MOK: variants seen among roughly 807,000 people sequenced by gnomAD.
MOK encodes MOK protein kinase.
A neutral mutation model predicts 54.2 loss-of-function variants in MOK; 59 were observed. The ratio of observed to expected loss-of-function variants is 1.09; its 90% CI spans 0.88 to 1.35. The LOEUF is 1.35. Ranked by LOEUF, MOK falls within the 40% of genes most tolerant of loss-of-function variation. MOK has a pLI of 0.00. For missense variants in MOK, 517 were observed against 526.2 expected, an observed-to-expected ratio of 0.98 and a Z score of 0.17; for synonymous variants, 210 against 202.7, an observed-to-expected ratio of 1.04 and a Z score of -0.31.
downstream of MOK, among the ~76,000 whole-genome samples, chr14:102,219,861 G>T (rs1756326123): frequency 6.6e-6 from 1 of 152,262 alleles, no homozygotes; most frequent in Non-Finnish European, 1.5e-5. Context: ...AGGAGGACAG[G>T]TTTGAGGGCG....
At chr14:102,282,544 G>A (rs1361837109) in intron 2 of MOK, among the ~76,000 whole-genome samples, 12 of 151,740 alleles carry the variant, frequency 7.9e-5, no homozygotes, top group Non-Finnish European at 4.4e-5. Context: ...AGACCAGCAC[G>A]GGCAACGTGG....
chr14:102,229,736 T>G, intron 10 of MOK, 79 bp from the exon 11 acceptor site: 1 of 1,261,032 alleles, frequency 7.9e-7, no homozygotes, highest in Non-Finnish European at 1.1e-6. Context: ...AGAGGCTCTT[T>G]TGTACTGCTT....
intron 1 of MOK, among the ~76,000 whole-genome samples, chr14:102,289,340 AAC>A (rs2070491334): frequency 6.6e-6 from 1 of 152,184 alleles, no homozygotes; most frequent in Non-Finnish European, 1.5e-5. Flanking sequence ...ATCACAAAGA[AAC>A]ACAGACTGAG....
chr14:102,277,722 T>C (rs1034635918), intron 2 of MOK, among the ~76,000 whole-genome samples: 3 of 152,252 alleles, frequency 2.0e-5, no homozygotes, highest in Admixed American at 6.5e-5. Flanking sequence ...TACTAGTGAT[T>C]GCCTGGGATG....
intron 4 of MOK, among the ~76,000 whole-genome samples, chr14:102,255,308 A>G (rs1261709880): frequency 6.6e-6 from 1 of 151,774 alleles, no homozygotes; most frequent in Non-Finnish European, 1.5e-5. Flanking sequence ...ACACAGTGAG[A>G]CTCTGTCTCA....
intron 2 of MOK, among the ~76,000 whole-genome samples, chr14:102,276,053 C>T (rs1203794750): frequency 2.6e-5 from 4 of 152,064 alleles, no homozygotes; most frequent in Admixed American, 6.6e-5. Flanking sequence ...CATTAGTCAT[C>T]GGGGAAGTAG....
Position 102,231,981 on chromosome 14 carries a change from C to G in MOK, c.867-160G>C, listed in dbSNP as rs990950296. 3.8e-4 allele frequency: 216 copies of G among 562,564 alleles called. No individual in the cohort carries two copies. Among genetic ancestry groups the G allele is most frequent in the Non-Finnish European group, 1.1e-4 (34 of 323,786 alleles). 34.8% of individuals were successfully genotyped at this position (562,564 alleles called of 1,614,324 possible). A position where few individuals can be genotyped will look rare whatever the true frequency, so the allele number is the denominator to read the frequency against. ...AGGAGCCTTTTTTTTTCTTTTCTGT[C>G]TCAGCCTGACAGTCTCTGGGCCAGG... On this transcript the variant is annotated intron_variant, in intron 9 of 11. Coordinates refer to ENST00000361847, the MANE Select transcript of MOK (RefSeq NM_014226.3). This position sits in a 1 kb window ranked among gnomAD's most constrained non-coding sequence, Gnocchi z 4.4.
chr14:102,259,141 C>T (rs2067197618), intron 4 of MOK, among the ~76,000 whole-genome samples: 1 of 151,880 alleles, frequency 6.6e-6, no homozygotes, highest in Admixed American at 6.6e-5. Context: ...TCTTTATCTT[C>T]CCAGTTCTTG....
At chr14:102,286,875 A>T (rs535812129) in intron 1 of MOK, among the ~76,000 whole-genome samples, 1 of 151,310 alleles carries the variant, frequency 6.6e-6, no homozygotes, top group East Asian at 1.9e-4. Flanking sequence ...GCGCCACTCC[A>T]CTCCAGCCTG....
At chr14:102,228,717 AATT>A (rs1217498909), downstream of MOK, 1 of 146,040 alleles carries the variant, frequency 6.8e-6, no homozygotes, top group East Asian at 1.9e-4. Flanking sequence ...AAAAAAAAAA[AATT>A]AAGCCACACC....
At chr14:102,219,374 G>C in the MOK span, among the ~76,000 whole-genome samples, 42 of 152,334 alleles carry the variant, frequency 2.8e-4, no homozygotes, top group Non-Finnish European at 4.4e-5. Flanking sequence ...AGGGCGCCGA[G>C]GCCCCTTCCC....
At chr14:102,281,473 T>C (rs2069421353) in intron 2 of MOK, among the ~76,000 whole-genome samples, 1 of 130,538 alleles carries the variant, frequency 7.7e-6, no homozygotes, top group African/African-American at 3.0e-5. Flanking sequence ...CACTCTAGCC[T>C]GGGCAACAGA....
chr14:102,285,160 A>G (rs1300371839), intron 1 of MOK, among the ~76,000 whole-genome samples: 1 of 152,108 alleles, frequency 6.6e-6, no homozygotes, highest in Non-Finnish European at 1.5e-5. Flanking sequence ...ACTGACCAGA[A>G]GCAAACAGAC....
At chr14:102,274,573 A>G (rs1251804261) in intron 2 of MOK, among the ~76,000 whole-genome samples, 2 of 151,368 alleles carry the variant, frequency 1.3e-5, no homozygotes, top group East Asian at 3.9e-4. Context: ...ATTTTTTAAT[A>G]GAATTGATGA....
chr14:102,258,358 C>A lies in MOK; in HGVS notation c.283+5188G>T, dbSNP rs567454503. ...GGTGGCCTCAGGGCCTTTGCACTGGCTGTCCCTCTGCCTGAAGTACTCTAT... is the reference window on the plus strand; with the variant it reads ...GGTGGCCTCAGGGCCTTTGCACTGGATGTCCCTCTGCCTGAAGTACTCTAT... On this transcript the variant is annotated intron_variant, in intron 4 of 11. Transcript: ENST00000361847. 2.0e-5 allele frequency among the ~76,000 whole-genome samples: 3 copies of A among 152,358 alleles called. No homozygotes were observed. The East Asian group carries it at 5.8e-4, about 29-fold the overall frequency.
chr14:102,294,948 T>C (rs374527401), intron 1 of MOK, among the ~76,000 whole-genome samples: 8 of 152,230 alleles, frequency 5.3e-5, no homozygotes, highest in African/African-American at 9.6e-5. Flanking sequence ...GCTCTTCTAG[T>C]AGGCAGAAAG....
intron 1 of MOK, among the ~76,000 whole-genome samples, chr14:102,299,170 A>G (rs1053358684): frequency 3.9e-5 from 6 of 152,184 alleles, no homozygotes; most frequent in Non-Finnish European, 7.3e-5. Flanking sequence ...CATGGCGGAA[A>G]AAAAAAAAGA....
At chr14:102,294,231 G>A (rs1484535875) in intron 1 of MOK, among the ~76,000 whole-genome samples, 4 of 150,358 alleles carry the variant, frequency 2.7e-5, no homozygotes, top group Non-Finnish European at 1.5e-5. Flanking sequence ...CGGATCACGA[G>A]GTCAGGAGAT....
chr14:102,267,453 C>A (rs770626747), intron 2 of MOK, among the ~76,000 whole-genome samples: 5 of 152,128 alleles, frequency 3.3e-5, no homozygotes, highest in Admixed American at 3.3e-4. Context: ...GTAATCCCAG[C>A]CACTTGGGAG....
Sources: allele counts gnomAD v4.1 joint callset (sites outside exome capture counted in the v4.1 genomes callset), GRCh38; gene constraint gnomAD v4.1.1; non-coding constraint Gnocchi (gnomAD v3.1); transcripts MANE v1.5; gene names NCBI Gene and HGNC (gene_info 2026-07-23, HGNC 2026-07-21).